SGMS1: variants seen among roughly 807,000 people sequenced by gnomAD.
The protein encoded by SGMS1 is sphingomyelin synthase 1, also known as phosphatidylcholine:ceramide cholinephosphotransferase 1.
SGMS1 carries 13 observed loss-of-function variants against 46.2 expected under a neutral mutation model. The observed-to-expected ratio is 0.28, with a 90% CI of 0.18 to 0.45. SGMS1 has a LOEUF of 0.45. Ranked by LOEUF, SGMS1 falls within the 20% of genes least tolerant of loss-of-function variation. The probability of loss-of-function intolerance (pLI) is 1.00; values close to 1 mark genes in which losing one functional copy is unlikely to be tolerated. For missense variants in SGMS1, 324 were observed against 519.9 expected, an observed-to-expected ratio of 0.62 and a Z score of 3.66; for synonymous variants, 203 against 187.8, an observed-to-expected ratio of 1.08 and a Z score of -0.66.
intron 5 of SGMS1, among the ~76,000 whole-genome samples, chr10:50,453,761 G>A (rs1837143049): frequency 7.5e-6 from 1 of 132,456 alleles, no homozygotes; most frequent in Non-Finnish European, 1.6e-5. Flanking sequence ...GGAGAAGGAA[G>A]GAAGGAAGGA....
In SGMS1 at chr10:50,577,590, A is replaced by C. The variant is rs1263502793; in HGVS notation, c.-589+12563T>G. On this transcript the variant is annotated intron_variant, in intron 2 of 10. Coordinates refer to ENST00000361781, the MANE Select transcript of SGMS1 (RefSeq NM_147156.4). ...TTAATGCAACCTCAAAATAATATAA[A>C]AAATTACCCCTAGATTGTTTGTGGC... Among the ~76,000 whole-genome samples the C allele has an allele frequency of 1.2e-4, 19 of 152,206 alleles. 1 individual carries two copies. Among genetic ancestry groups the C allele is most frequent in the Admixed American group, 1.2e-3 (19 of 15,274 alleles).
intron 6 of SGMS1, among the ~76,000 whole-genome samples, chr10:50,391,371 A>AT (rs796128081): frequency 9.3e-4 from 141 of 152,200 alleles, no homozygotes; most frequent in African/African-American, 2.9e-3. Context: ...TAAAAGCTGA[A>AT]TTTTTTTTAA....
chr10:50,309,507 C>A (rs570088041), intron 9 of SGMS1, among the ~76,000 whole-genome samples: 1 of 152,090 alleles, frequency 6.6e-6, no homozygotes, highest in Admixed American at 6.6e-5. Context: ...AAGCCTTGAC[C>A]CCGTTAAAGA....
At chr10:50,399,725 C>G (rs1319504471) in intron 6 of SGMS1, among the ~76,000 whole-genome samples, 1 of 152,042 alleles carries the variant, frequency 6.6e-6, no homozygotes, top group Admixed American at 6.6e-5. Flanking sequence ...GAGAGAACTT[C>G]CCATCAGAGT....
In SGMS1 at chr10:50,311,243, G is replaced by A. The variant is rs1325592300; in HGVS notation, c.895+19C>T. 19 of 1,601,614 alleles carry A rather than the reference G, an allele frequency of 1.2e-5. No individual in the cohort carries two copies. The highest frequency in any genetic ancestry group is 1.4e-5 in the Non-Finnish European group (16 of 1,172,650). On this transcript the variant is annotated intron_variant, in intron 9 of 10. Coordinates refer to ENST00000361781, the MANE Select transcript of SGMS1 (RefSeq NM_147156.4). ...AAATGGCAGGTGAGGAAATTACAAT[G>A]GAAGTCTTTTAGACTTACACTCTTT...
At chr10:50,521,870 A>G (rs1032139421) in intron 2 of SGMS1, among the ~76,000 whole-genome samples, 5 of 152,172 alleles carry the variant, frequency 3.3e-5, no homozygotes, top group Admixed American at 2.6e-4. Context: ...CACCCAGCCA[A>G]GGTGTTGTCC....
intron 3 of SGMS1, among the ~76,000 whole-genome samples, chr10:50,467,521 G>A (rs1269662190): frequency 1.3e-5 from 2 of 152,084 alleles, no homozygotes; most frequent in Non-Finnish European, 2.9e-5. Flanking sequence ...ATGACCCTTT[G>A]TAAGTAAAAT....
At chr10:50,423,178 A>G (rs1849277389) in intron 6 of SGMS1, among the ~76,000 whole-genome samples, 1 of 152,268 alleles carries the variant, frequency 6.6e-6, no homozygotes, top group Non-Finnish European at 1.5e-5. Flanking sequence ...GGAAAGCCAC[A>G]GGGGCAGCTG....
chr10:50,328,051 A>C, intron 7 of SGMS1: 1 of 380,234 alleles, frequency 2.6e-6, no homozygotes, highest in South Asian at 2.0e-5. Context: ...ATATAAGCAA[A>C]AATTAGAAAT....
At chr10:50,548,293 C>T (rs1272237657) in intron 2 of SGMS1, among the ~76,000 whole-genome samples, 1 of 152,166 alleles carries the variant, frequency 6.6e-6, no homozygotes, top group Non-Finnish European at 1.5e-5. Context: ...AGGCATCATG[C>T]TACCCAACTT....
chr10:50,607,962 G>GT (rs1838712690), intron 1 of SGMS1, among the ~76,000 whole-genome samples: 1 of 152,182 alleles, frequency 6.6e-6, no homozygotes, highest in South Asian at 2.1e-4. Context: ...CTCCAACTCA[G>GT]ATCAAAGTCA....
chr10:50,447,547 A>C (rs1171241155), intron 5 of SGMS1, among the ~76,000 whole-genome samples: 1 of 152,150 alleles, frequency 6.6e-6, no homozygotes, highest in Admixed American at 6.5e-5. Flanking sequence ...GAAAAAAATT[A>C]TTTTATTAAC....
chr10:50,591,064 T>G (rs753227880), intron 1 of SGMS1, among the ~76,000 whole-genome samples: 3 of 152,132 alleles, frequency 2.0e-5, no homozygotes, highest in Non-Finnish European at 4.4e-5. Context: ...TATACTCAAC[T>G]ACAATACACA....
chr10:50,355,033 A>G (rs1226120589), intron 6 of SGMS1, among the ~76,000 whole-genome samples: 1 of 152,328 alleles, frequency 6.6e-6, no homozygotes, highest in East Asian at 1.9e-4. Context: ...AGTCAGTGTG[A>G]TGATTCCTCA....
At chr10:50,391,088 A>G (rs1848758635) in intron 6 of SGMS1, among the ~76,000 whole-genome samples, 1 of 152,228 alleles carries the variant, frequency 6.6e-6, no homozygotes, top group Non-Finnish European at 1.5e-5. Context: ...GGTCAGAGGT[A>G]TTGAGAATTT....
chr10:50,397,647 CTATA>C (rs1307210334), intron 6 of SGMS1, among the ~76,000 whole-genome samples: 1 of 152,128 alleles, frequency 6.6e-6, no homozygotes, highest in African/African-American at 2.4e-5. Flanking sequence ...GCATCAGTTG[CTATA>C]TATTGCTTTG....
At chr10:50,340,948 T>C (rs56198123) in intron 7 of SGMS1, among the ~76,000 whole-genome samples, 4,763 of 152,268 alleles carry the variant, frequency 0.031, 248 homozygotes, top group African/African-American at 0.11. Flanking sequence ...AAAAATATTC[T>C]GTTGGGAATT....
chr10:50,379,390 T>A (rs917233850), intron 6 of SGMS1, among the ~76,000 whole-genome samples: 1 of 152,086 alleles, frequency 6.6e-6, no homozygotes, highest in African/African-American at 2.4e-5. Flanking sequence ...GAAATACATA[T>A]TAATTGAAAA....
chr10:50,558,490 A>G (rs192771795), intron 2 of SGMS1, among the ~76,000 whole-genome samples: 2 of 152,312 alleles, frequency 1.3e-5, no homozygotes, highest in Admixed American at 6.5e-5. Context: ...AAACATTACA[A>G]TGAAAATGGG....
Sources: gnomAD v4.1 joint callset for allele counts (sites outside exome capture counted in the v4.1 genomes callset) on GRCh38, gnomAD v4.1.1 for gene constraint, MANE v1.5 for transcripts, NCBI Gene and HGNC (gene_info 2026-07-23, HGNC 2026-07-21) for gene names.